The following FNBP1 variants were observed in gnomAD, a reference collection of about 807,000 sequenced individuals.
FNBP1 encodes formin-binding protein 1.
Under a neutral mutation model 90.6 loss-of-function variants are expected in FNBP1, and 26 were observed. That is an observed-to-expected ratio of 0.29 (90% CI 0.21 to 0.40). The LOEUF is 0.40. Ranked by LOEUF, FNBP1 falls within the 10% of genes least tolerant of loss-of-function variation. FNBP1 has a pLI of 1.00. For synonymous variants in FNBP1, 260 were observed against 265.2 expected (o/e 0.98, Z 0.19); for missense variants, 635 against 768.0 (o/e 0.83, Z 2.05).
At chr9:129,901,524 G>A (rs537606372) in intron 13 of FNBP1, among the ~76,000 whole-genome samples, 390 of 152,174 alleles carry the variant, frequency 2.6e-3, no homozygotes, top group Admixed American at 5.3e-3. Context: ...GTGACAGAGC[G>A]AGACTCTGTC....
At chr9:129,926,197 C>T (rs2041883863) in intron 8 of FNBP1, among the ~76,000 whole-genome samples, 2 of 152,132 alleles carry the variant, frequency 1.3e-5, no homozygotes, top group African/African-American at 4.8e-5. Flanking sequence ...GTCTTGAACT[C>T]CTGGCATCAA....
chr9:129,990,917 G>A (rs1005260836), intron 2 of FNBP1, among the ~76,000 whole-genome samples: 7 of 150,396 alleles, frequency 4.7e-5, no homozygotes, highest in African/African-American at 1.7e-4. Context: ...AGACAGAGAT[G>A]ATGATGACAC....
chr9:129,934,852 G>T (rs2043205786), intron 6 of FNBP1, among the ~76,000 whole-genome samples: 2 of 152,112 alleles, frequency 1.3e-5, no homozygotes, highest in South Asian at 4.1e-4. Context: ...AAAGTGTTGG[G>T]ATTACAGATG....
chr9:129,924,151 C>A, intron 9 of FNBP1, 125 bp from the exon 10 acceptor site: 3 of 986,672 alleles, frequency 3.0e-6, no homozygotes, highest in Non-Finnish European at 4.3e-6. Context: ...AAATTTTAGG[C>A]CATGGTCCAA....
the FNBP1 span, chr9:130,053,733 A>C: frequency 3.4e-6 from 2 of 596,170 alleles, no homozygotes. Context: ...GAAAGTCTGC[A>C]CAGGAGCGGC....
rs528150381 is a variant in FNBP1 at position 129,981,007 on chromosome 9, C to T, written c.141-1633G>A. Among the ~76,000 whole-genome samples the T allele has an allele frequency of 1.1e-4, 16 of 147,740 alleles. No individual in the cohort carries two copies. The East Asian group carries it at 3.1e-3, about 28-fold the overall frequency. On this transcript the variant is annotated intron_variant, in intron 2 of 16. Transcript: ENST00000446176. The stretch of plus-strand genomic sequence containing the variant: ...CGGAGCTTGCAGTGAGCTGAGATCG[C>T]GCCACTGCACTCCAGCCTGGGCAAC...
chr9:129,924,728 C>T (rs1452537739), intron 9 of FNBP1, among the ~76,000 whole-genome samples: 3 of 152,124 alleles, frequency 2.0e-5, no homozygotes, highest in African/African-American at 7.2e-5. Flanking sequence ...GAGGTCAGTA[C>T]TCTGTTAGTG....
Position 129,890,438 on chromosome 9 carries a change from A to G in FNBP1, c.*101T>C. 1.1e-6 allele frequency: 1 copy of G among 917,614 alleles called. No individual in the cohort carries two copies. Among genetic ancestry groups the G allele is most frequent in the Middle Eastern group, 3.0e-4 (1 of 3,302 alleles). The allele number at this position is 917,614 out of a possible 1,614,324, so 56.8% of individuals were successfully genotyped here. On this transcript the variant is annotated 3_prime_UTR_variant, in exon 17 of 17. Transcript: ENST00000446176. The surrounding 1 kb of genome is among the most constrained non-coding windows in gnomAD (Gnocchi z 5.8). ...CCGCCCCGCAGGGATGGGGCTGCGG[A>G]GGGGTGGGCTGTCCACAGGGCAGGG...
chr9:129,963,764 G>A (rs938392743), intron 4 of FNBP1, among the ~76,000 whole-genome samples: 17 of 151,894 alleles, frequency 1.1e-4, no homozygotes, highest in African/African-American at 4.1e-4. Context: ...ACAGGCATGC[G>A]CCACCACGCC....
At chr9:130,008,775 C>T (rs980233100) in intron 1 of FNBP1, among the ~76,000 whole-genome samples, 4 of 152,120 alleles carry the variant, frequency 2.6e-5, no homozygotes, top group Admixed American at 2.0e-4. Flanking sequence ...CCAGCTTCCC[C>T]GCCTCTAGCT....
At chr9:130,002,832 C>T (rs1263878314) in intron 1 of FNBP1, among the ~76,000 whole-genome samples, 2 of 152,118 alleles carry the variant, frequency 1.3e-5, no homozygotes, top group Non-Finnish European at 2.9e-5. Context: ...TCAGGAACCT[C>T]GCTGAACCAC....
chr9:129,938,491 A>G (rs1481215537), intron 6 of FNBP1, among the ~76,000 whole-genome samples: 2 of 152,050 alleles, frequency 1.3e-5, no homozygotes, highest in African/African-American at 2.4e-5. Context: ...AAACTTCAAA[A>G]TAAGTTAACC....
chr9:130,034,478 G>A (rs942327124), intron 1 of FNBP1, among the ~76,000 whole-genome samples: 15 of 152,192 alleles, frequency 9.9e-5, no homozygotes, highest in African/African-American at 3.4e-4. Flanking sequence ...GTGAGACTCT[G>A]TATTCCTCCT....
At chr9:130,053,420 A>G in the FNBP1 span, 2 of 158,118 alleles carry the variant, frequency 1.3e-5, no homozygotes, top group Non-Finnish European at 2.8e-5. Flanking sequence ...GGGCTCAATC[A>G]ATCGTATTAT....
At chr9:130,026,073 C>A (rs2058311940) in intron 1 of FNBP1, among the ~76,000 whole-genome samples, 1 of 152,160 alleles carries the variant, frequency 6.6e-6, no homozygotes, top group Non-Finnish European at 1.5e-5. Flanking sequence ...GATGAAGGAA[C>A]TGAGGCTAAA....
rs2058828178 is a variant in FNBP1, at chr9:130,031,839, T to C, written c.24+11113A>G. Among the ~76,000 whole-genome samples the C allele has an allele frequency of 6.6e-6, 1 of 152,102 alleles. No individual in the cohort carries two copies. Among genetic ancestry groups the C allele is most frequent in the South Asian group, 2.1e-4 (1 of 4,830 alleles). On this transcript the variant is annotated intron_variant, in intron 1 of 16. Coordinates refer to ENST00000446176, the MANE Select transcript of FNBP1 (RefSeq NM_015033.3). This position sits in a 1 kb window ranked among gnomAD's most constrained non-coding sequence, Gnocchi z 4.2. ...ATCATGCCTGGCTAAGTTTTTTGTA[T>C]TTTTAATAGAGATGGGATTTCACCA... is the stretch of plus-strand genomic sequence containing the variant.
chr9:129,915,457 C>T (rs143444139), intron 11 of FNBP1, among the ~76,000 whole-genome samples: 89 of 152,196 alleles, frequency 5.8e-4, no homozygotes, highest in African/African-American at 1.9e-3. Flanking sequence ...CTTCACCTCC[C>T]GGGTTCAAGC....
chr9:129,972,535 CT>C (rs368848660), intron 4 of FNBP1, among the ~76,000 whole-genome samples: 313 of 139,712 alleles, frequency 2.2e-3, no homozygotes, highest in Admixed American at 3.1e-3. Flanking sequence ...TTTTCTTTTT[CT>C]TTTTTTTTTT....
intron 12 of FNBP1, among the ~76,000 whole-genome samples, chr9:129,907,062 G>A (rs576813198): frequency 6.7e-6 from 1 of 149,816 alleles, no homozygotes; most frequent in South Asian, 2.1e-4. Context: ...ACAGGCGTGA[G>A]CCACTGCGCC....
Sources: gnomAD v4.1 joint callset for allele counts (sites outside exome capture counted in the v4.1 genomes callset) on GRCh38, gnomAD v4.1.1 for gene constraint, Gnocchi (gnomAD v3.1) non-coding constraint, MANE v1.5 for transcripts, NCBI Gene and HGNC (gene_info 2026-07-23, HGNC 2026-07-21) for gene names.